NXPH4: variants seen among roughly 807,000 people sequenced by gnomAD.
NXPH4 encodes neurexophilin 4, also known as neurexophilin-4.
In NXPH4, 8 loss-of-function variants were observed where a neutral mutation model predicts 21.3. That is an observed-to-expected ratio of 0.38 (90% CI 0.22 to 0.68). NXPH4 has a LOEUF of 0.68. Among genes scored for constraint, NXPH4 ranks in the 30% least tolerant of loss-of-function variants. The pLI is 0.53. For missense variants in NXPH4, 418 were observed against 416.8 expected (o/e 1.00, Z -0.03); for synonymous variants, 219 against 192.6 (o/e 1.14, Z -1.13).
chr12:57,223,882 C>T (rs549963938), intron 1 of NXPH4, among the ~76,000 whole-genome samples: 20 of 152,284 alleles, frequency 1.3e-4, no homozygotes, highest in Non-Finnish European at 2.1e-4. Flanking sequence ...ACACATAGAA[C>T]GGGTGGGAGC....
At chr12:57,222,729 C>T (rs573540099) in intron 1 of NXPH4, among the ~76,000 whole-genome samples, 17 of 152,288 alleles carry the variant, frequency 1.1e-4, no homozygotes, top group African/African-American at 3.9e-4. Flanking sequence ...TCCACCCTCT[C>T]TCAGGCCCAC....
At chr12:57,219,280 C>G (rs2037067625) in intron 1 of NXPH4, among the ~76,000 whole-genome samples, 1 of 152,054 alleles carries the variant, frequency 6.6e-6, no homozygotes, top group Non-Finnish European at 1.5e-5. Flanking sequence ...TTTCTCAGAG[C>G]CTGGGACTCC....
At position 57,224,987 on chromosome 12, in the gene NXPH4, C is replaced by T. The variant is rs1011748458; in HGVS notation, c.167C>T (p.Ser56Leu). ...PGQQLPEPRS[S>L]DGLGVGRAWS... is the part of the protein sequence containing the mutation. ...CAGCAGCTCCCAGAGCCAAGGTCTT[C>T]GGACGGCCTAGGCGTGGGCCGCGCC... The change falls in exon 2 of 2, where the codon TCG (serine) becomes TTG (leucine). Residue 56 changes from serine (S) to leucine (L), a missense_variant. Ser to Leu is a moderately radical substitution (Grantham distance 145, BLOSUM62 -2). Coordinates refer to ENST00000349394, the MANE Select transcript of NXPH4 (RefSeq NM_007224.4). The T allele has an allele frequency of 3.4e-6, 5 of 1,464,248 alleles. No individual in the cohort carries two copies. The highest frequency in any genetic ancestry group is 3.6e-6 in the Non-Finnish European group (4 of 1,108,174). 90.7% of individuals were successfully genotyped at this position (1,464,248 alleles called of 1,614,324 possible).
At chr12:57,220,176 G>A (rs917349955) in intron 1 of NXPH4, among the ~76,000 whole-genome samples, 1 of 152,158 alleles carries the variant, frequency 6.6e-6, no homozygotes, top group African/African-American at 2.4e-5. Context: ...CAGCTGCCCA[G>A]TGGGGATGGG....
intron 1 of NXPH4, among the ~76,000 whole-genome samples, chr12:57,220,238 C>A (rs981757401): frequency 1.3e-5 from 2 of 152,258 alleles, no homozygotes; most frequent in Middle Eastern, 3.4e-3. Context: ...TCCCCCTCTC[C>A]CCCGCCTGCC....
intron 1 of NXPH4, among the ~76,000 whole-genome samples, chr12:57,223,857 C>A (rs79460653): frequency 6.6e-6 from 1 of 152,218 alleles, no homozygotes; most frequent in Non-Finnish European, 1.5e-5. Flanking sequence ...TCTCCAAGAT[C>A]GGTGGCCACC....
At chr12:57,221,174 T>C (rs2037087927) in intron 1 of NXPH4, 1 of 370,754 alleles carries the variant, frequency 2.7e-6, no homozygotes, top group East Asian at 7.5e-5. Flanking sequence ...CAGGCTGTCC[T>C]GTCCACCCCA....
At position 57,216,862 on chromosome 12, in the gene NXPH4, CG is replaced by C; in HGVS notation, c.-107del. ...CCGCTCCCGCCGCTCCCGCCGCTCC[CG>C]CCGCTCCCGCAGCCGCCCCGCCGCC... On this transcript the variant is annotated 5_prime_UTR_variant, in exon 1 of 2. Transcript: ENST00000349394. The surrounding 1 kb of genome is among the most constrained non-coding windows in gnomAD (Gnocchi z 5.3). The C allele has an allele frequency of 3.2e-6, 2 of 618,536 alleles. No homozygotes were observed. The highest frequency in any genetic ancestry group is 4.1e-6 in the Non-Finnish European group (2 of 489,474). 38.3% of individuals were successfully genotyped at this position (618,536 alleles called of 1,614,324 possible).
intron 1 of NXPH4, among the ~76,000 whole-genome samples, chr12:57,224,616 G>A (rs1485995359): frequency 6.6e-6 from 1 of 152,164 alleles, no homozygotes; most frequent in Non-Finnish European, 1.5e-5. Flanking sequence ...CCTCATTGGA[G>A]CTCTGTGGGC....
chr12:57,217,878 G>A (rs928420351), intron 1 of NXPH4, among the ~76,000 whole-genome samples: 3 of 152,248 alleles, frequency 2.0e-5, no homozygotes, highest in South Asian at 4.1e-4. Context: ...GCCAGGCTTG[G>A]TCCAGTACTG....
Position 57,225,663 on chromosome 12 carries a change from C to T in NXPH4, c.843C>T (p.Val281=). The part of the protein sequence containing the change: ...AKPFKVICIF[V]SFLSFDYKLV... ...CCTTCAAAGTCATCTGTATCTTCGT[C>T]TCTTTCCTCAGCTTTGACTACAAAC... The change falls in exon 2 of 2, where the codon GTC becomes GTT. Residue 281 remains valine, a synonymous_variant. Transcript: ENST00000349394. 6.2e-7 allele frequency: 1 copy of T among 1,613,946 alleles called. No homozygotes were observed.
Position 57,225,090 on chromosome 12 carries a change from C to A in NXPH4, c.270C>A (p.Arg90=). 1 of 1,489,066 alleles carries A rather than the reference C, an allele frequency of 6.7e-7. No homozygotes were observed. Among genetic ancestry groups the A allele is most frequent in the Non-Finnish European group, 9.0e-7 (1 of 1,116,740 alleles). The allele number at this position is 1,489,066 out of a possible 1,614,324, so 92.2% of individuals were successfully genotyped here. A position where few individuals can be genotyped will look rare whatever the true frequency, so the allele number is the denominator to read the frequency against. The change falls in exon 2 of 2, where the codon CGC becomes CGA. Residue 90 remains arginine, a synonymous_variant. Coordinates refer to ENST00000349394, the MANE Select transcript of NXPH4 (RefSeq NM_007224.4). ...AGAAGALPAQ[R]TKRKPSIKAA... is the part of the protein sequence containing the mutation. ...CAGCCGGGGCGTTGCCCGCGCAGCG[C>A]ACCAAGAGGAAGCCGTCCATCAAGG...
In NXPH4 at chr12:57,225,421, G is replaced by C; in HGVS notation, c.601G>C (p.Gly201Arg). 7 of 1,603,302 alleles carry C rather than the reference G, an allele frequency of 4.4e-6. No individual in the cohort carries two copies. The highest frequency in any genetic ancestry group is 5.1e-6 in the Non-Finnish European group (6 of 1,177,564). ...PPLGMAAAAA[G>R]PGLGGSLGGA... ...GCTGGGGATGGCAGCAGCAGCGGCG[G>C]GGCCCGGGCTTGGGGGCTCCCTCGG... is the stretch of plus-strand genomic sequence containing the variant. The change falls in exon 2 of 2, where the codon GGG (glycine) becomes CGG (arginine). Residue 201 changes from glycine to arginine, a missense_variant. By Grantham distance (125) the Gly-to-Arg change is moderately radical (BLOSUM62 -2). Coordinates refer to ENST00000349394, the MANE Select transcript of NXPH4 (RefSeq NM_007224.4).
At chr12:57,219,716 T>C (rs972494862) in intron 1 of NXPH4, among the ~76,000 whole-genome samples, 2 of 127,742 alleles carry the variant, frequency 1.6e-5, no homozygotes, top group Non-Finnish European at 3.2e-5. Flanking sequence ...GGGCCGCAGC[T>C]GGGCCAGGGG....
At chr12:57,221,207 T>C in intron 1 of NXPH4, 1 of 400,550 alleles carries the variant, frequency 2.5e-6, no homozygotes, top group South Asian at 1.7e-5. Context: ...CCCACATCTC[T>C]ATCCCTCGTT....
intron 1 of NXPH4, among the ~76,000 whole-genome samples, chr12:57,220,434 G>A (rs570215697): frequency 1.3e-5 from 2 of 152,172 alleles, no homozygotes; most frequent in Admixed American, 1.3e-4. Flanking sequence ...CGCGGGGACC[G>A]CGCTGGCTCC....
At chr12:57,224,058 G>C (rs996756952) in intron 1 of NXPH4, among the ~76,000 whole-genome samples, 1 of 152,232 alleles carries the variant, frequency 6.6e-6, no homozygotes, top group African/African-American at 2.4e-5. Flanking sequence ...AGGCCCAGGT[G>C]GGGGCTCTGG....
Position 57,216,939 on chromosome 12 carries a change from C to T in NXPH4, c.-31C>T, listed in dbSNP as rs1373771281. On this transcript the variant is annotated 5_prime_UTR_variant, in exon 1 of 2. Transcript: ENST00000349394. The surrounding 1 kb of genome is among the most constrained non-coding windows in gnomAD (Gnocchi z 5.3). ...CTGGCTCCCGCCTGCCCGAGACCCG[C>T]CCAGCCTGCCCCGCTCAGCCGCCAG... is the stretch of plus-strand genomic sequence containing the variant. The T allele has an allele frequency of 6.4e-7, 1 of 1,551,884 alleles. No homozygotes were observed. Among genetic ancestry groups the T allele is most frequent in the South Asian group, 1.2e-5 (1 of 84,166 alleles).
intron 1 of NXPH4, among the ~76,000 whole-genome samples, chr12:57,222,155 C>A (rs2037097904): frequency 6.6e-6 from 1 of 152,156 alleles, no homozygotes; most frequent in Non-Finnish European, 1.5e-5. Context: ...TCTGAACTCC[C>A]CTACAAGGTC....
Sources: allele counts gnomAD v4.1 joint callset (sites outside exome capture counted in the v4.1 genomes callset), GRCh38; gene constraint gnomAD v4.1.1; non-coding constraint Gnocchi (gnomAD v3.1); transcripts MANE v1.5; gene names NCBI Gene and HGNC (gene_info 2026-07-23, HGNC 2026-07-21).